NPTN: variants seen among roughly 807,000 people sequenced by gnomAD.
NPTN encodes neuroplastin.
Under a neutral mutation model 42.7 loss-of-function variants are expected in NPTN, and 5 were observed. The ratio of observed to expected loss-of-function variants is 0.12; its 90% CI spans 0.06 to 0.25. The LOEUF (loss-of-function observed/expected upper bound fraction) is 0.25. NPTN is among the 10% of genes least tolerant of loss of function. NPTN has a pLI of 1.00. For synonymous variants in NPTN, 180 were observed against 201.9 expected, an observed-to-expected ratio of 0.89 and a Z score of 0.92; for missense variants, 307 against 525.4, an observed-to-expected ratio of 0.58 and a Z score of 4.06.
intron 2 of NPTN, among the ~76,000 whole-genome samples, chr15:73,594,179 A>G (rs1408649634): frequency 6.6e-6 from 1 of 152,222 alleles, no homozygotes; most frequent in Non-Finnish European, 1.5e-5. Context: ...TTTCTGTCCC[A>G]CTTGGGACTC....
At chr15:73,609,167 A>G (rs1188978801) in intron 1 of NPTN, among the ~76,000 whole-genome samples, 2 of 152,214 alleles carry the variant, frequency 1.3e-5, no homozygotes, top group African/African-American at 4.8e-5. Context: ...TTCCCTTCCC[A>G]TATCTAGACA....
intron 3 of NPTN, chr15:73,591,629 C>G (rs1193607432): frequency 6.1e-6 from 1 of 164,710 alleles, no homozygotes; most frequent in African/African-American, 2.4e-5. Flanking sequence ...AACCTAACTT[C>G]AATCTGACTG....
intron 4 of NPTN, among the ~76,000 whole-genome samples, chr15:73,587,051 T>C (rs1184735310): frequency 6.6e-6 from 1 of 152,240 alleles, no homozygotes. Flanking sequence ...AAACAGCTGA[T>C]GTCCACTCTG....
At chr15:73,568,214 A>G (rs1200006946) in intron 6 of NPTN, 14 of 985,414 alleles carry the variant, frequency 1.4e-5, no homozygotes, top group African/African-American at 1.7e-5. Context: ...TAGCAACCTC[A>G]TAAGCGCGGT....
chr15:73,566,114 T>C (rs1239676537), intron 6 of NPTN, among the ~76,000 whole-genome samples: 1 of 152,218 alleles, frequency 6.6e-6, no homozygotes, highest in Non-Finnish European at 1.5e-5. Flanking sequence ...TGTTTGGTCC[T>C]ATTGCATTTT....
Position 73,582,885 on chromosome 15 carries a change from G to C in NPTN, c.706+4639C>G, listed in dbSNP as rs1234890257. Reference sequence around the variant, plus strand: ...CCTACATCCTTCTCCCGTGCTGGATGCTTCCTGCCCTCAAACATCGGACTC... The same window carrying C: ...CCTACATCCTTCTCCCGTGCTGGATCCTTCCTGCCCTCAAACATCGGACTC... On this transcript the variant is annotated intron_variant, in intron 4 of 8. Transcript: ENST00000345330. Among the ~76,000 whole-genome samples the C allele has an allele frequency of 2.6e-5, 4 of 152,190 alleles. No individual in the cohort carries two copies. The East Asian group carries it at 7.7e-4, about 29-fold the overall frequency.
chr15:73,629,821 T>C (rs946393268), intron 1 of NPTN, among the ~76,000 whole-genome samples: 10 of 151,638 alleles, frequency 6.6e-5, no homozygotes, highest in African/African-American at 2.4e-4. Flanking sequence ...CTGGCCCACT[T>C]GAAAGATTTG....
Position 73,597,484 on chromosome 15 carries a change from A to C in NPTN, c.92-115T>G. 2 of 757,138 alleles carry C rather than the reference A, an allele frequency of 2.6e-6. No homozygotes were observed. Among genetic ancestry groups the C allele is most frequent in the Non-Finnish European group, 4.2e-6 (2 of 472,942 alleles). 46.9% of individuals were successfully genotyped at this position (757,138 alleles called of 1,614,324 possible). ...AAAAGAAAAAAGCAAATGAGTTGCA[A>C]AGAACAAAAAAGGATTCATTTTTAA... On this transcript the variant is annotated intron_variant, in intron 1 of 8. Coordinates refer to ENST00000345330, the MANE Select transcript of NPTN (RefSeq NM_012428.4). The surrounding 1 kb of genome is among the most constrained non-coding windows in gnomAD (Gnocchi z 6.3).
At chr15:73,594,558 C>G (rs1040253603) in intron 2 of NPTN, among the ~76,000 whole-genome samples, 2 of 152,164 alleles carry the variant, frequency 1.3e-5, no homozygotes, top group African/African-American at 4.8e-5. Flanking sequence ...CAGTGCTACA[C>G]CAAGTTCCTT....
chr15:73,597,446 A>T lies in NPTN; in HGVS notation c.92-77T>A. 8.8e-7 allele frequency: 1 copy of T among 1,131,964 alleles called. No individual in the cohort carries two copies. The allele number at this position is 1,131,964 out of a possible 1,614,324, so 70.1% of individuals were successfully genotyped here. On this transcript the variant is annotated intron_variant, in intron 1 of 8. Coordinates refer to ENST00000345330, the MANE Select transcript of NPTN (RefSeq NM_012428.4). This position sits in a 1 kb window ranked among gnomAD's most constrained non-coding sequence, Gnocchi z 6.3. The stretch of plus-strand genomic sequence containing the variant: ...AAAGAATCAACAGGTGTTAATAGTA[A>T]TTTAAAGAAAAGAAAAGAAAAAAGC...
chr15:73,617,950 C>T (rs1308546771), intron 1 of NPTN, among the ~76,000 whole-genome samples: 2 of 152,180 alleles, frequency 1.3e-5, no homozygotes, highest in Admixed American at 1.3e-4. Flanking sequence ...AGTCTGACTA[C>T]CCCTAGCACC....
At chr15:73,581,002 TC>T in intron 4 of NPTN, among the ~76,000 whole-genome samples, 1 of 152,192 alleles carries the variant, frequency 6.6e-6, no homozygotes, top group Non-Finnish European at 1.5e-5. Flanking sequence ...TCCATACTAA[TC>T]TAGAACATGG....
chr15:73,628,863 C>T (rs1898575767), intron 1 of NPTN, among the ~76,000 whole-genome samples: 1 of 152,088 alleles, frequency 6.6e-6, no homozygotes, highest in Non-Finnish European at 1.5e-5. Flanking sequence ...AACTGTTTCA[C>T]ATCAAATCTG....
rs1373229758 is a variant in NPTN at position 73,560,659 on chromosome 15, C to G, written c.*404G>C. On this transcript the variant is annotated 3_prime_UTR_variant, in exon 9 of 9. Coordinates refer to ENST00000345330, the MANE Select transcript of NPTN (RefSeq NM_012428.4). ...ATATATATTTATATACTGTATATATCTGTAGGTTTTGCTGTACTTTACAAA... is the reference window on the plus strand; with the variant it reads ...ATATATATTTATATACTGTATATATGTGTAGGTTTTGCTGTACTTTACAAA... The G allele has an allele frequency of 6.7e-6, 1 of 149,934 alleles. No homozygotes were observed. The highest frequency in any genetic ancestry group is 1.5e-5 in the Non-Finnish European group (1 of 67,636). 9.3% of individuals were successfully genotyped at this position (149,934 alleles called of 1,614,324 possible).
chr15:73,575,274 C>T (rs1008941124), intron 4 of NPTN, among the ~76,000 whole-genome samples: 3 of 151,990 alleles, frequency 2.0e-5, no homozygotes, highest in African/African-American at 4.8e-5. Context: ...TGAGCCATCA[C>T]GCCCGGCTAA....
Position 73,633,188 on chromosome 15 carries a change from G to C in NPTN, c.28C>G (p.Leu10Val). MSGSSLPSA[L>V]ALSLLLVSGS... ...GAGACCAGCAACAGCGAGAGGGCCA[G>C]GGCGCTGGGCAGCGACGAACCCGAC... is the stretch of plus-strand genomic sequence containing the variant. Residue 10 changes from leucine (L) to valine (V), a missense_variant, in exon 1 of 9, where the codon CTG becomes GTG. By Grantham distance (32) the Leu-to-Val change is conservative (BLOSUM62 1). This residue lies in a region of NPTN where 43 missense variants were observed against 34.3 expected (regional missense o/e 1.25). Transcript: ENST00000345330. 6.5e-7 allele frequency: 1 copy of C among 1,530,810 alleles called. No individual in the cohort carries two copies. Among genetic ancestry groups the C allele is most frequent in the Non-Finnish European group, 8.7e-7 (1 of 1,144,352 alleles). 94.8% of individuals were successfully genotyped at this position (1,530,810 alleles called of 1,614,324 possible). A position where few individuals can be genotyped will look rare whatever the true frequency, so the allele number is the denominator to read the frequency against.
rs992619232 is a variant in NPTN at position 73,560,481 on chromosome 15, TCA to T, written c.*580_*581del. ...GGTTAAGCCCTTAAAATTATAGATT[TCA>T]GTTTATATTACTCATCTTTATGTAC... On this transcript the variant is annotated 3_prime_UTR_variant, in exon 9 of 9. Coordinates refer to ENST00000345330, the MANE Select transcript of NPTN (RefSeq NM_012428.4). 2 of 152,526 alleles carry T rather than the reference TCA, an allele frequency of 1.3e-5. No individual in the cohort carries two copies. Among genetic ancestry groups the T allele is most frequent in the African/African-American group, 4.8e-5 (2 of 41,430 alleles). The allele number at this position is 152,526 out of a possible 1,614,324, so 9.4% of individuals were successfully genotyped here. A position where few individuals can be genotyped will look rare whatever the true frequency, so the allele number is the denominator to read the frequency against.
rs184706201 is a variant in NPTN at position 73,626,290 on chromosome 15, G to T, written c.91+6835C>A. 1.5e-4 allele frequency among the ~76,000 whole-genome samples: 23 copies of T among 152,304 alleles called. No homozygotes were observed. In the East Asian group the frequency reaches 4.0e-3, roughly 27 times the overall value. On this transcript the variant is annotated intron_variant, in intron 1 of 8. Coordinates refer to ENST00000345330, the MANE Select transcript of NPTN (RefSeq NM_012428.4). Reference sequence around the variant, plus strand: ...TTTAATATAAGATCTCTGCATAACAGACACGGTTCTGCCTCCCTTGAAACA... The same window carrying T: ...TTTAATATAAGATCTCTGCATAACATACACGGTTCTGCCTCCCTTGAAACA...
intron 6 of NPTN, chr15:73,566,959 T>G: frequency 1.1e-6 from 1 of 920,336 alleles, no homozygotes; most frequent in Non-Finnish European, 1.3e-6. Context: ...ATGTAGGAAA[T>G]GGTCTGAGAA....
Sources: gnomAD v4.1 joint callset for allele counts (sites outside exome capture counted in the v4.1 genomes callset) on GRCh38, gnomAD v4.1.1 for gene constraint, gnomAD v4.1.1 regional missense constraint, Gnocchi (gnomAD v3.1) non-coding constraint, MANE v1.5 for transcripts, NCBI Gene and HGNC (gene_info 2026-07-23, HGNC 2026-07-21) for gene names.